ITGAE: variants seen among roughly 807,000 people sequenced by gnomAD.
The protein encoded by ITGAE is integrin alpha-E.
A neutral mutation model predicts 136.5 loss-of-function variants in ITGAE; 99 were observed. That is an observed-to-expected ratio of 0.73 (90% CI 0.62 to 0.86). The LOEUF is 0.86. Among genes scored for constraint, ITGAE ranks in the 40% least tolerant of loss-of-function variants. ITGAE has a pLI of 0.00. For synonymous variants in ITGAE, 613 were observed against 591.8 expected (o/e 1.04, Z -0.52); for missense variants, 1,447 against 1,515.3 (o/e 0.95, Z 0.75).
At position 3,757,008 on chromosome 17, in the gene ITGAE, G is replaced by A. The variant is rs755917341; in HGVS notation, c.1147C>T (p.Arg383Trp). The change falls in exon 10 of 31, where the codon CGG becomes TGG. Residue 383 changes from arginine (R) to tryptophan (W), a missense_variant. Physicochemically the swap from Arg to Trp is moderately radical, Grantham distance 101 (BLOSUM62 -3). Transcript: ENST00000263087. ...MALDGLLSKL[R>W]YNIISMEGTV... ...CCTTCCATGCTGATGATGTTGTACC[G>A]CAGTTTGCTCAGCAGCCCATCCAGC... is the stretch of plus-strand genomic sequence containing the variant. The A allele has an allele frequency of 5.6e-6, 9 of 1,614,108 alleles. No individual in the cohort carries two copies. Among genetic ancestry groups the A allele is most frequent in the East Asian group, 4.5e-5 (2 of 44,886 alleles).
chr17:3,775,291 C>A (rs1027524232), intron 2 of ITGAE, among the ~76,000 whole-genome samples: 1 of 152,060 alleles, frequency 6.6e-6, no homozygotes, highest in African/African-American at 2.4e-5. Flanking sequence ...TTTCAACTCA[C>A]GGTATGTTTC....
chr17:3,728,857 TC>T (rs1446981939), intron 24 of ITGAE, among the ~76,000 whole-genome samples: 2 of 150,938 alleles, frequency 1.3e-5, no homozygotes, highest in Non-Finnish European at 1.5e-5. Context: ...CATGGTGAAA[TC>T]CCCGTCTCTA....
chr17:3,755,186 G>A lies in ITGAE; in HGVS notation c.1315C>T (p.Arg439Trp), dbSNP rs747395014. Reference sequence around the variant, plus strand: ...GCTGTCTGGTTCAGGAAGCGGCCCCGGCGGCTGCGTGTGTCGTAGAGCAAC... The same window carrying A: ...GCTGTCTGGTTCAGGAAGCGGCCCCAGCGGCTGCGTGTGTCGTAGAGCAAC... ...GALLYDTRSR[R>W]GRFLNQTAAA... Residue 439 changes from arginine to tryptophan, a missense_variant, in exon 12 of 31, where the codon CGG becomes TGG. Coordinates refer to ENST00000263087, the MANE Select transcript of ITGAE (RefSeq NM_002208.5). The A allele has an allele frequency of 6.4e-7, 1 of 1,554,950 alleles. No homozygotes were observed. Among genetic ancestry groups the A allele is most frequent in the Non-Finnish European group, 8.7e-7 (1 of 1,151,356 alleles).
In ITGAE at chr17:3,761,153, C is replaced by A; in HGVS notation, c.458G>T (p.Arg153Leu). The change falls in exon 6 of 31, where the codon CGT (arginine) becomes CTT (leucine). Residue 153 changes from arginine to leucine, a missense_variant. Arg to Leu is a moderately radical substitution (Grantham distance 102). Around this residue, in one of 3 missense-constraint regions of ITGAE, gnomAD observed 310 missense variants for 416.1 expected, o/e 0.74. Transcript: ENST00000263087. ...DLENLLDPDA[R>L]VDTGDCYSNK... The stretch of plus-strand genomic sequence containing the variant: ...GCTGTAGCAGTCTCCAGTGTCCACA[C>A]GTGCATCTGGATCCAGGAGATTTTC... 1 of 1,611,642 alleles carries A rather than the reference C, an allele frequency of 6.2e-7. No individual in the cohort carries two copies. The highest frequency in any genetic ancestry group is 1.1e-5 in the South Asian group (1 of 91,036).
intron 5 of ITGAE, 75 bp downstream of exon 5, chr17:3,761,328 G>A: frequency 6.5e-7 from 1 of 1,543,652 alleles, no homozygotes; most frequent in Non-Finnish European, 8.7e-7. Context: ...CATCTGCCGT[G>A]AGCTGGTGCC....
At chr17:3,751,953 C>G (rs1213465225) in intron 14 of ITGAE, 79 bp from the exon 15 acceptor site, 2 of 1,264,576 alleles carry the variant, frequency 1.6e-6, no homozygotes, top group Non-Finnish European at 2.3e-6. Flanking sequence ...TGCACGCTCA[C>G]TGGGCCGGTG....
Position 3,798,086 on chromosome 17 carries a change from C to A in ITGAE, c.34+3025G>T, listed in dbSNP as rs779514970. 7.9e-5 allele frequency among the ~76,000 whole-genome samples: 12 copies of A among 152,202 alleles called. No homozygotes were observed. Among genetic ancestry groups the A allele is most frequent in the Non-Finnish European group, 1.5e-4 (10 of 68,040 alleles). On this transcript the variant is annotated intron_variant, in intron 1 of 30. Transcript: ENST00000263087. This position sits in a 1 kb window ranked among gnomAD's most constrained non-coding sequence, Gnocchi z 4.3. ...ACACCTGCCACACGAATGCAGGCCT[C>A]CCAGAGAAGGGCAGGGATGTGGGGC...
Position 3,728,002 on chromosome 17 carries a change from C to T in ITGAE, c.3001G>A (p.Ala1001Thr). 1 of 1,614,074 alleles carries T rather than the reference C, an allele frequency of 6.2e-7. No individual in the cohort carries two copies. Reference protein sequence around the residue: ...FHVHGENLFGAEYQLQICVPT... With the variant: ...FHVHGENLFGTEYQLQICVPT... The stretch of plus-strand genomic sequence containing the variant: ...ACGCAAATTTGCAACTGGTATTCTG[C>T]TCCAAAGAGGTTCTCCCCATGTACC... The change falls in exon 26 of 31, where the codon GCA (alanine) becomes ACA (threonine). Residue 1001 changes from alanine (A) to threonine (T), a missense_variant. This residue lies in a region of ITGAE where 1,031 missense variants were observed against 1,011.4 expected (regional missense o/e 1.02). Transcript: ENST00000263087.
At chr17:3,738,459 G>A (rs1228874338) in intron 20 of ITGAE, among the ~76,000 whole-genome samples, 1 of 152,140 alleles carries the variant, frequency 6.6e-6, no homozygotes, top group Admixed American at 6.5e-5. Flanking sequence ...ATGAGCCACC[G>A]CGCCCGGCCT....
intron 2 of ITGAE, among the ~76,000 whole-genome samples, chr17:3,764,725 G>A (rs1463835673): frequency 1.3e-5 from 2 of 152,110 alleles, no homozygotes; most frequent in Non-Finnish European, 2.9e-5. Context: ...AAAAGAACTG[G>A]AGGTTTGGGG....
intron 26 of ITGAE, chr17:3,725,542 T>A: frequency 1.2e-6 from 2 of 1,614,210 alleles, no homozygotes; most frequent in Non-Finnish European, 1.7e-6. Flanking sequence ...CTGCCAGAGA[T>A]CATCATCTCC....
chr17:3,750,087 A>T (rs1316761728), intron 16 of ITGAE, among the ~76,000 whole-genome samples: 1 of 152,232 alleles, frequency 6.6e-6, no homozygotes, highest in Non-Finnish European at 1.5e-5. Flanking sequence ...TACTTTGTAT[A>T]TATTCGCTTG....
rs911874933 is a variant in ITGAE at position 3,724,879 on chromosome 17, A to C, written c.3085-1135T>G. ...GAGGCCGTCCGGAGAGAGCATCAGGAGGCCAGTGTTCCCAAGGGCCGCATT... is the reference window on the plus strand; with the variant it reads ...GAGGCCGTCCGGAGAGAGCATCAGGCGGCCAGTGTTCCCAAGGGCCGCATT... On this transcript the variant is annotated intron_variant, in intron 26 of 30. Coordinates refer to ENST00000263087, the MANE Select transcript of ITGAE (RefSeq NM_002208.5). 6.2e-7 allele frequency: 1 copy of C among 1,613,838 alleles called. No individual in the cohort carries two copies. The highest frequency in any genetic ancestry group is 8.5e-7 in the Non-Finnish European group (1 of 1,180,036).
Position 3,729,556 on chromosome 17 carries a change from C to G in ITGAE, c.2835-1G>C. 4 of 1,576,354 alleles carry G rather than the reference C, an allele frequency of 2.5e-6. No individual in the cohort carries two copies. Among genetic ancestry groups the G allele is most frequent in the East Asian group, 4.5e-5 (2 of 44,706 alleles). ...GGCCAAAGACCGTCTTTCATTGGAACTAGGAATAAGAGTGTTAGTTCATAG... is the reference window on the plus strand; with the variant it reads ...GGCCAAAGACCGTCTTTCATTGGAAGTAGGAATAAGAGTGTTAGTTCATAG... On this transcript the variant is annotated splice_acceptor_variant, in intron 23 of 30. Coordinates refer to ENST00000263087, the MANE Select transcript of ITGAE (RefSeq NM_002208.5). LOFTEE classifies it high-confidence loss of function.
intron 10 of ITGAE, among the ~76,000 whole-genome samples, chr17:3,756,224 CTTTTTTTTTTTT>C (rs398041526): frequency 1.1e-5 from 1 of 95,028 alleles, no homozygotes; most frequent in Non-Finnish European, 2.1e-5. Context: ...TATTGTTGGC[CTTTTTTTTTTTT>C]TTTTTTTTTT....
intron 29 of ITGAE, chr17:3,718,014 C>G (rs1316543433): frequency 1.3e-5 from 2 of 152,220 alleles, no homozygotes; most frequent in African/African-American, 4.8e-5. Flanking sequence ...TCTTCTAAAC[C>G]CACAGATTCC....
chr17:3,744,440 C>A (rs1223111586), intron 18 of ITGAE, among the ~76,000 whole-genome samples: 3 of 115,400 alleles, frequency 2.6e-5, no homozygotes, highest in Middle Eastern at 3.5e-3. Context: ...TTATCAAGTT[C>A]TTTCTCTTTT....
intron 2 of ITGAE, among the ~76,000 whole-genome samples, chr17:3,764,423 G>A (rs1291828834): frequency 1.3e-5 from 2 of 152,324 alleles, no homozygotes; most frequent in Non-Finnish European, 1.5e-5. Context: ...GAGGCCGGGC[G>A]CGGCGGCTCA....
At chr17:3,746,513 C>A (rs1247947837) in intron 17 of ITGAE, among the ~76,000 whole-genome samples, 1 of 150,910 alleles carries the variant, frequency 6.6e-6, no homozygotes, top group Non-Finnish European at 1.5e-5. Flanking sequence ...TGGAGTGCAG[C>A]GGCGCGATCT....
Sources: allele counts gnomAD v4.1 joint callset (sites outside exome capture counted in the v4.1 genomes callset), GRCh38; gene constraint gnomAD v4.1.1; regional missense constraint gnomAD v4.1.1; non-coding constraint Gnocchi (gnomAD v3.1); transcripts MANE v1.5; gene names NCBI Gene and HGNC (gene_info 2026-07-23, HGNC 2026-07-21).